The following CCDC7 variants were observed in gnomAD, a reference collection of about 807,000 sequenced individuals.
CCDC7 encodes coiled-coil domain containing 7.
Under a neutral mutation model 196.9 loss-of-function variants are expected in CCDC7, and 183 were observed. That is an observed-to-expected ratio of 0.93 (90% CI 0.82 to 1.05). The LOEUF is 1.05. CCDC7 is among the 50% of genes least tolerant of loss of function. CCDC7 has a pLI of 0.00. For synonymous variants in CCDC7, 525 were observed against 484.6 expected (o/e 1.08, Z -1.10); for missense variants, 1,540 against 1,482.2 (o/e 1.04, Z -0.64).
chr10:32,591,626 G>A (rs2059790926), intron 18 of CCDC7, among the ~76,000 whole-genome samples: 1 of 152,168 alleles, frequency 6.6e-6, no homozygotes, highest in Non-Finnish European at 1.5e-5. Flanking sequence ...AAAAATAAAA[G>A]TGAGTAATTA....
chr10:32,603,287 C>T lies in CCDC7; in HGVS notation c.1801+18983C>T, dbSNP rs545441566. Among the ~76,000 whole-genome samples, 58 of 151,872 alleles carry T rather than the reference C, an allele frequency of 3.8e-4. 1 individual carries two copies. In the South Asian group the frequency reaches 0.011, roughly 29 times the overall value. On this transcript the variant is annotated intron_variant, in intron 18 of 41. Coordinates refer to ENST00000639629, the Ensembl canonical transcript of CCDC7. Reference sequence around the variant, plus strand: ...ATGTTACAAATCACAGGATTTTATTCTTTTTATGGCTGAATAGTATTCCAT... The same window carrying T: ...ATGTTACAAATCACAGGATTTTATTTTTTTTATGGCTGAATAGTATTCCAT...
At chr10:32,472,120 A>G (rs2038078191) in intron 6 of CCDC7, among the ~76,000 whole-genome samples, 1 of 152,224 alleles carries the variant, frequency 6.6e-6, no homozygotes, top group South Asian at 2.1e-4. Flanking sequence ...CCCAAAGGTC[A>G]GGTAGTCTCA....
chr10:32,814,388 T>G (rs2087907781), exon 31 of CCDC7: 1 of 1,610,444 alleles, frequency 6.2e-7, no homozygotes, highest in East Asian at 2.2e-5. Context: ...ATAGAACAAT[T>G]GACAGATGCA....
At position 32,633,696 on chromosome 10, in the gene CCDC7, A is replaced by ATATGTGTGTGTGTGTG. The variant is rs779341941; in HGVS notation, c.1802-557_1802-556insATGTGTGTGTGTGTGT. On this transcript the variant is annotated intron_variant, in intron 18 of 41. Coordinates refer to ENST00000639629, the Ensembl canonical transcript of CCDC7. ...TTTAGCTTTGTGTATATATATATAT[A>ATATGTGTGTGTGTGTG]TGTGTGTGTGTGTGTGTGTGTGTGT... Among the ~76,000 whole-genome samples, 6 of 135,228 alleles carry ATATGTGTGTGTGTGTG rather than the reference A, an allele frequency of 4.4e-5. No homozygotes were observed. In the East Asian group the frequency reaches 1.1e-3, roughly 25 times the overall value. 88.7% of individuals were successfully genotyped at this position (135,228 alleles called of 152,430 possible). A position where few individuals can be genotyped will look rare whatever the true frequency, so the allele number is the denominator to read the frequency against.
intron 29 of CCDC7, among the ~76,000 whole-genome samples, chr10:32,801,284 C>T (rs1206347786): frequency 6.6e-6 from 1 of 152,172 alleles, no homozygotes; most frequent in African/African-American, 2.4e-5. Context: ...ATCCTGATCT[C>T]CTAAGACTTT....
intron 11 of CCDC7, among the ~76,000 whole-genome samples, chr10:32,540,841 A>G (rs1047864242): frequency 2.0e-5 from 3 of 152,004 alleles, no homozygotes; most frequent in Non-Finnish European, 4.4e-5. Flanking sequence ...TCTGACGATT[A>G]TGTGTCTTGG....
intron 32 of CCDC7, among the ~76,000 whole-genome samples, chr10:32,828,494 A>AGAG (rs1565634465): frequency 3.4e-5 from 3 of 88,938 alleles, no homozygotes; most frequent in Non-Finnish European, 4.7e-5. Context: ...AGGAAGAAGA[A>AGAG]GAAGAAGAAG....
intron 28 of CCDC7, among the ~76,000 whole-genome samples, chr10:32,744,653 C>A (rs1373721179): frequency 1.3e-5 from 2 of 152,176 alleles, no homozygotes; most frequent in Non-Finnish European, 2.9e-5. Flanking sequence ...TTTTGCCCAT[C>A]TTTCAAATGG....
chr10:32,579,241 T>C (rs914541323), intron 16 of CCDC7, among the ~76,000 whole-genome samples: 3 of 152,186 alleles, frequency 2.0e-5, no homozygotes, highest in African/African-American at 7.2e-5. Context: ...TTTTTGTTTT[T>C]TTTTTCTTAA....
At chr10:32,535,961 G>A (rs1419277116) in intron 11 of CCDC7, among the ~76,000 whole-genome samples, 1 of 152,094 alleles carries the variant, frequency 6.6e-6, no homozygotes, top group African/African-American at 2.4e-5. Context: ...GTTATATAGG[G>A]TTAAATAAAA....
chr10:32,462,415 T>G (rs2133687906), intron 3 of CCDC7, among the ~76,000 whole-genome samples: 1 of 152,202 alleles, frequency 6.6e-6, no homozygotes, highest in South Asian at 2.1e-4. Context: ...ACAGTGAGAT[T>G]CTGTCTCTCT....
At chr10:32,517,607 G>C (rs954364529) in intron 9 of CCDC7, among the ~76,000 whole-genome samples, 2 of 119,762 alleles carry the variant, frequency 1.7e-5, no homozygotes, top group African/African-American at 6.2e-5. Flanking sequence ...ATCACACACC[G>C]GGGACTGTTA....
At chr10:32,712,495 G>C (rs1392223209) in intron 25 of CCDC7, among the ~76,000 whole-genome samples, 3 of 152,084 alleles carry the variant, frequency 2.0e-5, no homozygotes, top group Non-Finnish European at 2.9e-5. Flanking sequence ...GTTCCTTTTG[G>C]GTAGTGTCCT....
In CCDC7 at chr10:32,451,911, A is replaced by G. The variant is rs768917471; in HGVS notation, c.269A>G (p.His90Arg). Residue 90 changes from histidine to arginine, a missense_variant, in exon 1 of 42, where the codon CAT (histidine) becomes CGT (arginine). Coordinates refer to ENST00000639629, the Ensembl canonical transcript of CCDC7. ...GAAATGATCGGAAAAATTATCAAAC[A>G]TCTGAAGATGGTAAGAGGCTTGTTA... 9 of 1,611,030 alleles carry G rather than the reference A, an allele frequency of 5.6e-6. No homozygotes were observed. In the South Asian group the frequency reaches 7.7e-5, roughly 14 times the overall value.
At chr10:32,547,810 T>C (rs1180715106) in intron 13 of CCDC7, among the ~76,000 whole-genome samples, 1 of 152,188 alleles carries the variant, frequency 6.6e-6, no homozygotes, top group Non-Finnish European at 1.5e-5. Context: ...TATTTTTCCA[T>C]AAGTTATTGG....
chr10:32,574,366 T>A, intron 16 of CCDC7: 3 of 1,308,532 alleles, frequency 2.3e-6, no homozygotes, highest in Non-Finnish European at 3.0e-6. Flanking sequence ...ATAATAAAAA[T>A]TCAAACTATT....
chr10:32,825,554 T>G (rs778478976), intron 32 of CCDC7, among the ~76,000 whole-genome samples: 11 of 152,162 alleles, frequency 7.2e-5, no homozygotes, highest in Non-Finnish European at 1.2e-4. Context: ...ATCTATATCT[T>G]CTATTACTTC....
At chr10:32,719,023 C>G (rs974562455) in intron 25 of CCDC7, among the ~76,000 whole-genome samples, 8 of 152,136 alleles carry the variant, frequency 5.3e-5, no homozygotes, top group Admixed American at 2.0e-4. Flanking sequence ...GAAAAAACTA[C>G]TTTAAGTTTC....
At chr10:32,843,826 G>A (rs1005023160) in intron 33 of CCDC7, among the ~76,000 whole-genome samples, 3 of 151,822 alleles carry the variant, frequency 2.0e-5, no homozygotes, top group African/African-American at 2.4e-5. Flanking sequence ...TTCTATAGAT[G>A]TGCTTATGTT....
Sources: gnomAD v4.1 joint callset for allele counts (sites outside exome capture counted in the v4.1 genomes callset) on GRCh38, gnomAD v4.1.1 for gene constraint, MANE v1.5 for transcripts, NCBI Gene and HGNC (gene_info 2026-07-23, HGNC 2026-07-21) for gene names.